Variants in ITGA2B observed in about 807,000 individuals in gnomAD.
ITGA2B encodes the protein integrin subunit alpha 2b.
A neutral mutation model predicts 142.0 loss-of-function variants in ITGA2B; 91 were observed. That is an observed-to-expected ratio of 0.64 (90% CI 0.54 to 0.76). ITGA2B has a LOEUF of 0.76. Among genes scored for constraint, ITGA2B ranks in the 30% least tolerant of loss-of-function variants. The pLI is 0.00. For synonymous variants in ITGA2B, 536 were observed against 567.2 expected, an observed-to-expected ratio of 0.94 and a Z score of 0.78; for missense variants, 1,231 against 1,350.8, an observed-to-expected ratio of 0.91 and a Z score of 1.39.
intron 1 of ITGA2B, among the ~76,000 whole-genome samples, chr17:44,387,878 T>A (rs2048664508): frequency 6.9e-6 from 1 of 145,318 alleles, no homozygotes; most frequent in South Asian, 2.2e-4. Flanking sequence ...AAAAGAATTG[T>A]CAGAGTTGAT....
chr17:44,372,497 G>A (rs1315169423), intron 29 of ITGA2B, 74 bp from the exon 30 acceptor site: 3 of 1,382,626 alleles, frequency 2.2e-6, no homozygotes, highest in East Asian at 2.4e-5. Context: ...GAGGAAGTAT[G>A]CTAGCTATGA....
Position 44,385,874 on chromosome 17 carries a change from C to A in ITGA2B, c.358G>T (p.Ala120Ser). 1.2e-6 allele frequency: 2 copies of A among 1,607,626 alleles called. No individual in the cohort carries two copies. The highest frequency in any genetic ancestry group is 1.7e-6 in the Non-Finnish European group (2 of 1,176,620). The change falls in exon 3 of 30, where the codon GCC (alanine) becomes TCC (serine). Residue 120 changes from alanine (A) to serine (S), a missense_variant. Coordinates refer to ENST00000262407, the MANE Select transcript of ITGA2B (RefSeq NM_000419.5). ...ACCGACGCCCCCAGTCCTTGGCGGG[C>A]CTTGAAGGTTTGTAAAGTTTGGGAG... is the stretch of plus-strand genomic sequence containing the variant. ...VGSQTLQTFK[A>S]RQGLGASVVS...
rs142670897 is a variant in ITGA2B, at chr17:44,380,394, G to C, written c.1536C>G (p.Pro512=). ...KSCVLPQTKT[P]VSCFNIQMCV... ...GCCCTCTGCCTCCTCACCAGCTCAC[G>C]GGTGTCTTGGTCTGAGGTAGGACAC... Residue 512 remains proline, a synonymous_variant, in exon 15 of 30, where the codon CCC becomes CCG. Coordinates refer to ENST00000262407, the MANE Select transcript of ITGA2B (RefSeq NM_000419.5). 4.8e-5 allele frequency: 78 copies of C among 1,613,960 alleles called. 1 individual carries two copies. The highest frequency in any genetic ancestry group is 3.4e-6 in the Non-Finnish European group (4 of 1,180,012).
chr17:44,374,837 C>G, intron 27 of ITGA2B, 77 bp from the exon 28 acceptor site: 12 of 1,389,586 alleles, frequency 8.6e-6, no homozygotes, highest in Non-Finnish European at 1.2e-5. Context: ...CCCACACCCC[C>G]GGCGGGGAAG....
intron 1 of ITGA2B, among the ~76,000 whole-genome samples, chr17:44,388,731 C>A (rs2048671943): frequency 6.6e-6 from 1 of 151,760 alleles, no homozygotes; most frequent in Admixed American, 6.6e-5. Context: ...ATTGGCCAGG[C>A]TGGTCTTGAA....
chr17:44,385,835 C>T lies in ITGA2B; in HGVS notation c.397G>A (p.Asp133Asn). The T allele has an allele frequency of 6.2e-7, 1 of 1,604,480 alleles. No individual in the cohort carries two copies. The highest frequency in any genetic ancestry group is 8.5e-7 in the Non-Finnish European group (1 of 1,175,094). The change falls in exon 3 of 30, where the codon GAC (aspartate) becomes AAC (asparagine). Residue 133 changes from aspartate (D) to asparagine (N), a missense_variant. Physicochemically the swap from Asp to Asn is conservative, Grantham distance 23. Around this residue, in one of 3 missense-constraint regions of ITGA2B, gnomAD observed 318 missense variants for 312.2 expected, o/e 1.02. Transcript: ENST00000262407. ...ACCGCGGGGCCCACCACAATGACGT[C>T]GCTCCAGCTGACGACCGACGCCCCC... ...GLGASVVSWS[D>N]VIVACAPWQH...
chr17:44,384,548 G>C lies in ITGA2B; in HGVS notation c.837C>G (p.Leu279=), dbSNP rs377493610. 6.2e-7 allele frequency: 1 copy of C among 1,614,002 alleles called. No individual in the cohort carries two copies. Among genetic ancestry groups the C allele is most frequent in the East Asian group, 2.2e-5 (1 of 44,898 alleles). The change falls in exon 8 of 30, where the codon CTC becomes CTG. Residue 279 remains leucine, a synonymous_variant. Transcript: ENST00000262407. ...AAGTGGATTTCTTGCCTGTAGTGTT[G>C]AGATCCCCGTCGAACTCGCCCACGG... The part of the protein sequence containing the change: ...SVAVGEFDGD[L]NTTEYVVGAP...
In ITGA2B at chr17:44,389,428, A is replaced by T; in HGVS notation, c.46T>A (p.Trp16Arg). Residue 16 changes from tryptophan to arginine, a missense_variant, in exon 1 of 30, where the codon TGG becomes AGG. Coordinates refer to ENST00000262407, the MANE Select transcript of ITGA2B (RefSeq NM_000419.5). ...CPLQALWLLE[W>R]VLLLLGPCAA... ...CAAGGTCCCAAGAGCAGCAGCACCC[A>T]CTCCAGAAGCCAGAGGGCTTGCAGT... The T allele has an allele frequency of 6.2e-7, 1 of 1,613,910 alleles. No homozygotes were observed. Among genetic ancestry groups the T allele is most frequent in the Non-Finnish European group, 8.5e-7 (1 of 1,180,004 alleles).
rs368974006 is a variant in ITGA2B at position 44,378,439 on chromosome 17, C to T, written c.2017G>A (p.Glu673Lys). The change falls in exon 20 of 30, where the codon GAG becomes AAG. Residue 673 changes from glutamate to lysine, a missense_variant. This residue lies in a region of ITGA2B where 908 missense variants were observed against 1,021.1 expected (regional missense o/e 0.89). Transcript: ENST00000262407. ...ELQMDAANEG[E>K]GAYEAELAVH... is the part of the protein sequence containing the mutation. Reference sequence around the variant, plus strand: ...GCCAGCTCTGCTTCATAGGCCCCCTCGCCCTCGTTGGCTGCGTCCATCTGC... The same window carrying T: ...GCCAGCTCTGCTTCATAGGCCCCCTTGCCCTCGTTGGCTGCGTCCATCTGC... 8.1e-6 allele frequency: 13 copies of T among 1,613,364 alleles called. No individual in the cohort carries two copies. The highest frequency in any genetic ancestry group is 1.3e-5 in the African/African-American group (1 of 74,936).
In ITGA2B at chr17:44,383,921, A is replaced by G; in HGVS notation, c.971T>C (p.Val324Ala). 1 of 1,614,038 alleles carries G rather than the reference A, an allele frequency of 6.2e-7. No individual in the cohort carries two copies. ...EQMASYFGHS[V>A]AVTDVNGDGR... is the part of the protein sequence containing the mutation. ...ATCCCCGTTGACGTCAGTGACAGCC[A>G]CTGAATGCCCAAAATACGACGCCAT... Residue 324 changes from valine to alanine, a missense_variant, in exon 11 of 30, where the codon GTG (valine) becomes GCG (alanine). Physicochemically the swap from Val to Ala is moderately conservative, Grantham distance 64 (BLOSUM62 0). This residue lies in a region of ITGA2B where 908 missense variants were observed against 1,021.1 expected (regional missense o/e 0.89). Coordinates refer to ENST00000262407, the MANE Select transcript of ITGA2B (RefSeq NM_000419.5).
Position 44,386,000 on chromosome 17 carries a change from T to A in ITGA2B, c.310+10A>T. On this transcript the variant is annotated intron_variant, in intron 2 of 29. Coordinates refer to ENST00000262407, the MANE Select transcript of ITGA2B (RefSeq NM_000419.5). ...TGACCCCAACCTTGCTCTCCTTGCC[T>A]GGGACTCACGGAGGTCAAAGAGCAG... is the stretch of plus-strand genomic sequence containing the variant. The A allele has an allele frequency of 6.2e-7, 1 of 1,613,940 alleles. No individual in the cohort carries two copies. Among genetic ancestry groups the A allele is most frequent in the Non-Finnish European group, 8.5e-7 (1 of 1,179,984 alleles).
chr17:44,384,706 G>T, intron 7 of ITGA2B, 121 bp from the exon 8 acceptor site: 2 of 1,345,070 alleles, frequency 1.5e-6, no homozygotes, highest in Non-Finnish European at 1.1e-6. Flanking sequence ...ATGGAAAAAC[G>T]GAGGCCTTCG....
Position 44,375,708 on chromosome 17 carries a change from C to A in ITGA2B, c.2610G>T (p.Trp870Cys). ...GGGAGGGGCTGGGGATGGGCAGCCC[C>A]CAGTCCACCTGGGGGGGCAAAGGAG... Reference protein sequence around the residue: ...QPPVNPLKVDWGLPIPSPSPI... With the variant: ...QPPVNPLKVDCGLPIPSPSPI... Residue 870 changes from tryptophan (W) to cysteine (C), a missense_variant, in exon 26 of 30, where the codon TGG becomes TGT. Physicochemically the swap from Trp to Cys is radical, Grantham distance 215. Coordinates refer to ENST00000262407, the MANE Select transcript of ITGA2B (RefSeq NM_000419.5). 1 of 1,583,758 alleles carries A rather than the reference C, an allele frequency of 6.3e-7. No individual in the cohort carries two copies. Among genetic ancestry groups the A allele is most frequent in the Non-Finnish European group, 8.6e-7 (1 of 1,165,172 alleles).
chr17:44,387,019 G>T (rs1027222472), intron 1 of ITGA2B, among the ~76,000 whole-genome samples: 2 of 152,100 alleles, frequency 1.3e-5, no homozygotes, highest in African/African-American at 2.4e-5. Flanking sequence ...CCAGCACTTT[G>T]GGAGGCCAAG....
chr17:44,378,314 C>T (rs754802215), intron 20 of ITGA2B, 48 bp downstream of exon 20: 1 of 1,583,954 alleles, frequency 6.3e-7, no homozygotes, highest in South Asian at 1.1e-5. Context: ...AGCCAAGGCT[C>T]CAGTGCCTCC....
At chr17:44,381,776 G>C (rs961945836) in intron 12 of ITGA2B, among the ~76,000 whole-genome samples, 4 of 151,496 alleles carry the variant, frequency 2.6e-5, no homozygotes, top group Non-Finnish European at 5.9e-5. Flanking sequence ...TGAGACTATA[G>C]CCACCATGCC....
Position 44,384,152 on chromosome 17 carries a change from G to C in ITGA2B, c.892-14C>G. 6.2e-7 allele frequency: 1 copy of C among 1,612,292 alleles called. No homozygotes were observed. Among genetic ancestry groups the C allele is most frequent in the Non-Finnish European group, 8.5e-7 (1 of 1,179,384 alleles). ...CAAAATTTCCACCTGCACGGACAGC[G>C]CAGGCGAGAGCATCATTCTTGTACC... On this transcript the variant is annotated splice_polypyrimidine_tract_variant and intron_variant, in intron 9 of 29. Transcript: ENST00000262407.
At chr17:44,372,519 G>T in intron 29 of ITGA2B, 96 bp from the exon 30 acceptor site, 1 of 1,040,644 alleles carries the variant, frequency 9.6e-7, no homozygotes, top group Non-Finnish European at 1.5e-6. Flanking sequence ...CACCTCCCTG[G>T]ACCAGCGCAG....
chr17:44,386,063 A>G lies in ITGA2B; in HGVS notation c.257T>C (p.Leu86Pro), dbSNP rs1052533574. 1.2e-6 allele frequency: 2 copies of G among 1,612,300 alleles called. No homozygotes were observed. The highest frequency in any genetic ancestry group is 2.7e-5 in the African/African-American group (2 of 75,004). Residue 86 changes from leucine (L) to proline (P), a missense_variant, in exon 2 of 30, where the codon CTG becomes CCG. Physicochemically the swap from Leu to Pro is moderately conservative, Grantham distance 98. Around this residue, in one of 3 missense-constraint regions of ITGA2B, gnomAD observed 318 missense variants for 312.2 expected, o/e 1.02. Coordinates refer to ENST00000262407, the MANE Select transcript of ITGA2B (RefSeq NM_000419.5). ...PSQEETGGVF[L>P]CPWRAEGGQC... ...GCCGCCCTCGGCCCTCCAGGGGCAC[A>G]GGAACACGCCGCCCGTCTCCTCCTG... is the stretch of plus-strand genomic sequence containing the variant.
Sources: allele counts gnomAD v4.1 joint callset (sites outside exome capture counted in the v4.1 genomes callset), GRCh38; gene constraint gnomAD v4.1.1; regional missense constraint gnomAD v4.1.1; transcripts MANE v1.5; gene names NCBI Gene and HGNC (gene_info 2026-07-23, HGNC 2026-07-21).